The following BAG4 variants were observed in gnomAD, a reference collection of about 807,000 sequenced individuals.
The protein encoded by BAG4 is BAG family molecular chaperone regulator 4.
A neutral mutation model predicts 52.1 loss-of-function variants in BAG4; 28 were observed. The ratio of observed to expected loss-of-function variants is 0.54; its 90% confidence interval spans 0.40 to 0.74. The LOEUF (loss-of-function observed/expected upper bound fraction) is 0.74. Among genes scored for constraint, BAG4 ranks in the 30% least tolerant of loss-of-function variants. The probability of loss-of-function intolerance (pLI) is 0.00; values close to 1 mark genes in which losing one functional copy is unlikely to be tolerated. For missense variants in BAG4, 525 were observed against 572.0 expected (o/e 0.92, Z 0.84); for synonymous variants, 208 against 217.0 (o/e 0.96, Z 0.37).
At chr8:38,181,771 G>A (rs1237737543) in intron 1 of BAG4, among the ~76,000 whole-genome samples, 1 of 151,498 alleles carries the variant, frequency 6.6e-6, no homozygotes, top group South Asian at 2.1e-4. Flanking sequence ...CGGGCGTGGT[G>A]GCGGGCGCCT....
intron 2 of BAG4, among the ~76,000 whole-genome samples, chr8:38,198,709 G>C (rs763788104): frequency 1.4e-4 from 22 of 151,836 alleles, no homozygotes; most frequent in Non-Finnish European, 3.1e-4. Flanking sequence ...GGATGGTCTC[G>C]ATCTCCCAAC....
In BAG4 at chr8:38,197,467, A is replaced by G. The variant is rs910185880; in HGVS notation, c.378+4672A>G. ...ACAGTAAAAATACAGATAAAAGATA[A>G]CAAAATATTATATCACACTTGTACA... On this transcript the variant is annotated intron_variant, in intron 2 of 4. Transcript: ENST00000287322. Among the ~76,000 whole-genome samples, 11 of 152,346 alleles carry G rather than the reference A, an allele frequency of 7.2e-5. No individual in the cohort carries two copies. The East Asian group carries it at 2.1e-3, about 29-fold the overall frequency.
At chr8:38,196,281 C>T (rs1291277918) in intron 2 of BAG4, among the ~76,000 whole-genome samples, 1 of 152,150 alleles carries the variant, frequency 6.6e-6, no homozygotes. Flanking sequence ...AAAGGGATTG[C>T]ACCATTTTAT....
intron 2 of BAG4, 114 bp from the exon 3 acceptor site, chr8:38,207,398 G>C: frequency 8.4e-7 from 1 of 1,192,608 alleles, no homozygotes; most frequent in South Asian, 1.5e-5. Flanking sequence ...CACTGTGCCT[G>C]GCCTGCATTA....
intron 1 of BAG4, among the ~76,000 whole-genome samples, chr8:38,192,317 T>G (rs1563281615): frequency 1.3e-5 from 2 of 152,242 alleles, no homozygotes; most frequent in Non-Finnish European, 2.9e-5. Context: ...TTTGGTGTGG[T>G]GGCATTGTCG....
At chr8:38,194,028 C>T (rs1273271855) in intron 2 of BAG4, among the ~76,000 whole-genome samples, 8 of 152,138 alleles carry the variant, frequency 5.3e-5, no homozygotes, top group Admixed American at 6.6e-5. Flanking sequence ...TGAGCCACCA[C>T]GCCCGGCCAG....
chr8:38,180,831 C>T (rs1364993172), intron 1 of BAG4, among the ~76,000 whole-genome samples: 3 of 152,018 alleles, frequency 2.0e-5, no homozygotes, highest in African/African-American at 7.2e-5. Flanking sequence ...ATTTCAGAAG[C>T]ATTGCTCTAT....
chr8:38,209,703 A>G (rs1268629644), intron 4 of BAG4: 2 of 390,934 alleles, frequency 5.1e-6, no homozygotes, highest in Non-Finnish European at 9.1e-6. Flanking sequence ...TAGGGGAAAA[A>G]CTAATTCTTA....
chr8:38,209,268 G>T lies in BAG4; in HGVS notation c.888+1G>T. The T allele has an allele frequency of 6.2e-7, 1 of 1,614,142 alleles. No individual in the cohort carries two copies. Among genetic ancestry groups the T allele is most frequent in the South Asian group, 1.1e-5 (1 of 91,082 alleles). The stretch of plus-strand genomic sequence containing the variant: ...TTCACCCCCAGTCCAGCAGCCCAAG[G>T]TAGGAGACCTAAATGTTGTTCCTTT... On this transcript the variant is annotated splice_donor_variant, in intron 4 of 4. Transcript: ENST00000287322. LOFTEE classifies it high-confidence loss of function.
rs771867656 is a variant in BAG4, at chr8:38,192,814, G to A, written c.378+19G>A. 8 of 1,539,352 alleles carry A rather than the reference G, an allele frequency of 5.2e-6. No individual in the cohort carries two copies. Among genetic ancestry groups the A allele is most frequent in the African/African-American group, 1.4e-5 (1 of 71,964 alleles). On this transcript the variant is annotated intron_variant, in intron 2 of 4. Transcript: ENST00000287322. ...AGGCCAGGTATGGTTTAAAAACAGA[G>A]ACTTTCTGAACTTTTTCTTAATGAA...
At position 38,177,105 on chromosome 8, in the gene BAG4, G is replaced by A; in HGVS notation, c.236G>A (p.Trp79Ter). 6.2e-7 allele frequency: 1 copy of A among 1,612,890 alleles called. No homozygotes were observed. ...GGCTACTATCCCTCGGGAGGCGCCT[G>A]GCCAGAGCCTGGTCGAGCCGGAGGA... Reference protein sequence around the residue: ...GDGYYPSGGAWPEPGRAGGSH... With the variant: ...GDGYYPSGGA The change falls in exon 1 of 5, where the codon TGG becomes TAG. Residue 79 changes from tryptophan (W) to a stop codon, truncating the protein, a stop_gained. Transcript: ENST00000287322. LOFTEE classifies it high-confidence loss of function.
intron 1 of BAG4, among the ~76,000 whole-genome samples, chr8:38,182,987 A>C (rs796116066): frequency 1.1e-4 from 16 of 149,136 alleles, no homozygotes; most frequent in African/African-American, 1.7e-4. Flanking sequence ...ACAATTACAT[A>C]ACCACCACCA....
At chr8:38,185,397 T>C (rs1026104229) in intron 1 of BAG4, among the ~76,000 whole-genome samples, 3 of 152,174 alleles carry the variant, frequency 2.0e-5, no homozygotes, top group African/African-American at 7.2e-5. Flanking sequence ...AATCTAACAA[T>C]AATGTATAAA....
At chr8:38,202,355 T>C (rs1803693497) in intron 2 of BAG4, 1 of 152,256 alleles carries the variant, frequency 6.6e-6, no homozygotes, top group Non-Finnish European at 1.5e-5. Flanking sequence ...AACCTCCACC[T>C]CCTGGGCTCA....
intron 2 of BAG4, among the ~76,000 whole-genome samples, chr8:38,203,602 G>A (rs933543554): frequency 3.3e-5 from 5 of 151,992 alleles, no homozygotes; most frequent in African/African-American, 1.2e-4. Flanking sequence ...TTTGTGATAA[G>A]TCCTGTTACA....
rs143665459 is a variant in BAG4, at chr8:38,209,121, G to A, written c.742G>A (p.Ala248Thr). 85 of 1,614,000 alleles carry A rather than the reference G, an allele frequency of 5.3e-5. No homozygotes were observed. Among genetic ancestry groups the A allele is most frequent in the Admixed American group, 2.2e-4 (13 of 59,982 alleles). ...AGAAGATGCGTGGGCTTCTCCTGGT[G>A]CTTATGGAATGGGTGGCCGTTATCC... ...PQEDAWASPG[A>T]YGMGGRYPWP... The change falls in exon 4 of 5, where the codon GCT becomes ACT. Residue 248 changes from alanine to threonine, a missense_variant. Around this residue, in one of 2 missense-constraint regions of BAG4, gnomAD observed 238 missense variants for 305.8 expected, o/e 0.78. Coordinates refer to ENST00000287322, the MANE Select transcript of BAG4 (RefSeq NM_004874.4).
chr8:38,200,366 C>G (rs1301971823), intron 2 of BAG4, among the ~76,000 whole-genome samples: 1 of 152,110 alleles, frequency 6.6e-6, no homozygotes, highest in African/African-American at 2.4e-5. Context: ...TCAATTCTGT[C>G]CCATTAATCT....
chr8:38,189,025 C>G (rs997613274), intron 1 of BAG4, among the ~76,000 whole-genome samples: 1 of 149,878 alleles, frequency 6.7e-6, no homozygotes, highest in Non-Finnish European at 1.5e-5. Context: ...GTGGTGCAAT[C>G]TCAGTTCACT....
intron 2 of BAG4, chr8:38,201,880 ATTTTTTTTTTTTTT>A (rs869085692): frequency 2.6e-4 from 2 of 7,556 alleles, no homozygotes; most frequent in African/African-American, 1.0e-3. Context: ...ATATATATAT[ATTTTTTTTTTTTTT>A]TTTTTTTTTT....
Sources: gnomAD v4.1 joint callset for allele counts (sites outside exome capture counted in the v4.1 genomes callset) on GRCh38, gnomAD v4.1.1 for gene constraint, gnomAD v4.1.1 regional missense constraint, MANE v1.5 for transcripts, NCBI Gene and HGNC (gene_info 2026-07-23, HGNC 2026-07-21) for gene names.